DIP2C: variants seen among roughly 807,000 people sequenced by gnomAD.
DIP2C encodes disco-interacting protein 2 homolog C.
In DIP2C, 33 loss-of-function variants were observed where a neutral mutation model predicts 192.4. That is an observed-to-expected ratio of 0.17 (90% CI 0.13 to 0.23). The LOEUF (loss-of-function observed/expected upper bound fraction) is 0.23, where lower values mean the gene tolerates loss of function less well. DIP2C is among the 10% of genes least tolerant of loss of function. The pLI is 1.00. For missense variants in DIP2C, 1,537 were observed against 2,110.1 expected (o/e 0.73, Z 5.32); for synonymous variants, 979 against 864.1 (o/e 1.13, Z -2.33).
At chr10:445,282 A>T (rs558218258) in intron 3 of DIP2C, among the ~76,000 whole-genome samples, 3 of 152,168 alleles carry the variant, frequency 2.0e-5, no homozygotes, top group South Asian at 4.1e-4. Flanking sequence ...AACTGTTGTG[A>T]AGAGTCTATC....
chr10:568,779 A>AC (rs1849596989), intron 1 of DIP2C, among the ~76,000 whole-genome samples: 2 of 144,320 alleles, frequency 1.4e-5, no homozygotes, highest in Non-Finnish European at 3.0e-5. Context: ...AAAAAAAAAA[A>AC]AAAAAAAAAA....
Position 304,678 on chromosome 10 carries a change from A to G in DIP2C, c.3986+5353T>C, listed in dbSNP as rs139596703. Reference sequence around the variant, plus strand: ...TGTGCACATGCAACACACACACAATACTCACATAGCCCACACACTAGCACA... The same window carrying G: ...TGTGCACATGCAACACACACACAATGCTCACATAGCCCACACACTAGCACA... On this transcript the variant is annotated intron_variant, in intron 32 of 36. Coordinates refer to ENST00000280886, the MANE Select transcript of DIP2C (RefSeq NM_014974.3). 3.6e-5 allele frequency among the ~76,000 whole-genome samples: 4 copies of G among 111,654 alleles called. No homozygotes were observed. The East Asian group carries it at 1.0e-3, about 29-fold the overall frequency. The allele number at this position is 111,654 out of a possible 152,430, so 73.2% of individuals were successfully genotyped here. A position where few individuals can be genotyped will look rare whatever the true frequency, so the allele number is the denominator to read the frequency against.
intron 22 of DIP2C, among the ~76,000 whole-genome samples, chr10:359,874 G>T (rs1959234546): frequency 6.6e-6 from 1 of 152,126 alleles, no homozygotes; most frequent in Non-Finnish European, 1.5e-5. Flanking sequence ...TCCCATCCTG[G>T]CCTCCCGCAT....
intron 1 of DIP2C, among the ~76,000 whole-genome samples, chr10:575,996 C>G (rs1348472135): frequency 1.3e-5 from 2 of 152,224 alleles, no homozygotes; most frequent in Non-Finnish European, 2.9e-5. Context: ...CACGTGGGTG[C>G]CAGTCTCTGT....
rs868641733 is a variant in DIP2C, at chr10:566,420, A to T, written c.86-79890T>A. 2.6e-5 allele frequency among the ~76,000 whole-genome samples: 4 copies of T among 152,314 alleles called. No individual in the cohort carries two copies. In the South Asian group the frequency reaches 8.3e-4, roughly 32 times the overall value. ...CGCTGACCCACCAGAGGCGCCACCA[A>T]ACCCTGGAGTGTTACAGTTGCCTTT... is the stretch of plus-strand genomic sequence containing the variant. On this transcript the variant is annotated intron_variant, in intron 1 of 36. Transcript: ENST00000280886.
intron 3 of DIP2C, among the ~76,000 whole-genome samples, chr10:463,944 G>C (rs1031987220): frequency 2.6e-5 from 4 of 152,128 alleles, no homozygotes; most frequent in African/African-American, 9.7e-5. Flanking sequence ...CTAGCCATAA[G>C]CAGAAAACTG....
intron 32 of DIP2C, 95 bp downstream of exon 32, chr10:309,936 G>A (rs1956499477): frequency 6.7e-6 from 8 of 1,200,724 alleles, no homozygotes; most frequent in South Asian, 1.3e-5. Context: ...GATAAACATC[G>A]TGTGCACCTC....
At position 652,392 on chromosome 10, in the gene DIP2C, G is replaced by A. The variant is rs542880055; in HGVS notation, c.85+37102C>T. 35 of 172,986 alleles carry A rather than the reference G, an allele frequency of 2.0e-4. No individual in the cohort carries two copies. Among genetic ancestry groups the A allele is most frequent in the Non-Finnish European group, 3.4e-4 (27 of 79,322 alleles). 10.7% of individuals were successfully genotyped at this position (172,986 alleles called of 1,614,324 possible). ...CAGTCCCGGGGTGGGGTGGCGGGGG[G>A]GCGCACTGTGCACCCTCCCAGCTCT... is the stretch of plus-strand genomic sequence containing the variant. On this transcript the variant is annotated intron_variant, in intron 1 of 36. Transcript: ENST00000280886. This position sits in a 1 kb window ranked among gnomAD's most constrained non-coding sequence, Gnocchi z 4.5.
intron 1 of DIP2C, among the ~76,000 whole-genome samples, chr10:594,332 C>A (rs904389884): frequency 2.6e-5 from 4 of 152,222 alleles, no homozygotes; most frequent in African/African-American, 7.2e-5. Flanking sequence ...CACTTACCTC[C>A]CAAAATGACC....
chr10:394,381 A>G (rs1963774910), intron 10 of DIP2C, among the ~76,000 whole-genome samples: 2 of 149,900 alleles, frequency 1.3e-5, no homozygotes, highest in South Asian at 4.2e-4. Context: ...GCCTTCAGCG[A>G]GGAGGGAACC....
intron 1 of DIP2C, among the ~76,000 whole-genome samples, chr10:653,756 C>G: frequency 6.6e-6 from 1 of 152,198 alleles, no homozygotes; most frequent in East Asian, 1.9e-4. Context: ...CCCTAACCTC[C>G]GAGGACTCAG....
At chr10:417,851 TG>T (rs1261929257) in intron 6 of DIP2C, among the ~76,000 whole-genome samples, 5 of 96,220 alleles carry the variant, frequency 5.2e-5, no homozygotes, top group African/African-American at 2.0e-4. Flanking sequence ...CACCTGCACC[TG>T]TCAGAGCTCG....
chr10:315,386 T>G (rs1012013508), intron 31 of DIP2C, among the ~76,000 whole-genome samples: 2 of 152,218 alleles, frequency 1.3e-5, no homozygotes, highest in Non-Finnish European at 2.9e-5. Flanking sequence ...CTTGAGACAT[T>G]CTTACTATTT....
At chr10:433,993 G>T (rs1966974273) in intron 4 of DIP2C, among the ~76,000 whole-genome samples, 1 of 150,906 alleles carries the variant, frequency 6.6e-6, no homozygotes, top group South Asian at 2.1e-4. Flanking sequence ...GGCTGCCTTG[G>T]GATTTGCAAT....
intron 1 of DIP2C, among the ~76,000 whole-genome samples, chr10:553,221 T>C (rs1175298505): frequency 6.6e-6 from 1 of 152,234 alleles, no homozygotes; most frequent in Non-Finnish European, 1.5e-5. Flanking sequence ...TCCCTGCACC[T>C]GGCTTGCTGT....
chr10:586,376 C>T (rs1851022971), intron 1 of DIP2C, among the ~76,000 whole-genome samples: 5 of 152,148 alleles, frequency 3.3e-5, no homozygotes, highest in Admixed American at 2.6e-4. Context: ...TTTTCCACCC[C>T]ACCACAAGCG....
intron 32 of DIP2C, among the ~76,000 whole-genome samples, chr10:297,638 T>C (rs927726208): frequency 1.3e-5 from 2 of 152,088 alleles, no homozygotes; most frequent in African/African-American, 4.8e-5. Context: ...TTCATAGAAA[T>C]ACAAAGTAGA....
intron 1 of DIP2C, among the ~76,000 whole-genome samples, chr10:547,771 T>G (rs1183454660): frequency 6.6e-6 from 1 of 152,174 alleles, no homozygotes; most frequent in Non-Finnish European, 1.5e-5. Flanking sequence ...ATACATGTGA[T>G]AAAATCTCAG....
intron 17 of DIP2C, among the ~76,000 whole-genome samples, chr10:372,690 G>A (rs189474195): frequency 1.3e-5 from 2 of 149,536 alleles, no homozygotes; most frequent in African/African-American, 5.1e-5. Flanking sequence ...AGGAGGTCCC[G>A]ACACACAGCC....
Sources: allele counts gnomAD v4.1 joint callset (sites outside exome capture counted in the v4.1 genomes callset), GRCh38; gene constraint gnomAD v4.1.1; non-coding constraint Gnocchi (gnomAD v3.1); transcripts MANE v1.5; gene names NCBI Gene and HGNC (gene_info 2026-07-23, HGNC 2026-07-21).